Variants in CCDC57 observed in about 807,000 individuals in gnomAD.
CCDC57 encodes coiled-coil domain containing 57, also known as coiled-coil domain-containing protein 57.
In CCDC57, 118 loss-of-function variants were observed where a neutral mutation model predicts 118.9. The observed-to-expected ratio is 0.99, with a 90% confidence interval of 0.86 to 1.16. The LOEUF is 1.16. CCDC57 is among the 50% of genes most tolerant of loss of function. The pLI, the probability that CCDC57 is intolerant of heterozygous loss-of-function variation, is 0.00. For missense variants in CCDC57, 1,300 were observed against 1,320.7 expected (o/e 0.98, Z 0.24); for synonymous variants, 527 against 532.9 (o/e 0.99, Z 0.15).
chr17:82,208,296 G>A (rs536633625), intron 1 of CCDC57, among the ~76,000 whole-genome samples: 2 of 152,072 alleles, frequency 1.3e-5, no homozygotes, highest in East Asian at 1.9e-4. Flanking sequence ...TTGTTTTCTT[G>A]CCCAGGCTGG....
At chr17:82,134,338 CG>C (rs1387843256) in intron 16 of CCDC57, 144 bp from the exon 16 acceptor site, 2 of 727,290 alleles carry the variant, frequency 2.7e-6, no homozygotes, top group Admixed American at 8.7e-5. Context: ...TGGGGAGGGC[CG>C]GACAACAGTG....
Position 82,212,741 on chromosome 17 carries a change from C to CCCCACGCCTCCCAAGCCT in CCDC57, c.-211+43_-211+44insAGGCTTGGGAGGCGTGGG, listed in dbSNP as rs2050257149. On this transcript the variant is annotated intron_variant, in intron 1 of 19. Coordinates refer to ENST00000665763, the Ensembl canonical transcript of CCDC57. The surrounding 1 kb of genome is among the most constrained non-coding windows in gnomAD (Gnocchi z 4.1). ...CAGGAAGAGTGGTCGGAGCGGCGCCCCCCACGCCTCCCACGCCTCCCACGC... is the reference window on the plus strand; with the variant it reads ...CAGGAAGAGTGGTCGGAGCGGCGCCCCCCACGCCTCCCAAGCCTCCCACGCCTCCCACGCCTCCCACGC... 1 of 151,256 alleles carries CCCCACGCCTCCCAAGCCT rather than the reference C, an allele frequency of 6.6e-6. No homozygotes were observed. Among genetic ancestry groups the CCCCACGCCTCCCAAGCCT allele is most frequent in the African/African-American group, 2.4e-5 (1 of 40,916 alleles). The allele number at this position is 151,256 out of a possible 1,614,324, so 9.4% of individuals were successfully genotyped here. A position where few individuals can be genotyped will look rare whatever the true frequency, so the allele number is the denominator to read the frequency against.
At chr17:82,196,399 CCATTTCAGAAG>C (rs1284610603) in intron 4 of CCDC57, among the ~76,000 whole-genome samples, 1 of 152,244 alleles carries the variant, frequency 6.6e-6, no homozygotes, top group African/African-American at 2.4e-5. Context: ...CCTCTGCAGG[CCATTTCAGAAG>C]CAGCCTCAGG....
At chr17:82,201,943 A>C in exon 3 of CCDC57, 1 of 1,590,250 alleles carries the variant, frequency 6.3e-7, no homozygotes, top group East Asian at 2.3e-5. Context: ...CAGTGGCAGC[A>C]TGGTGGCCGC....
At position 82,130,766 on chromosome 17, in the gene CCDC57, G is replaced by T. The variant is rs1483678613; in HGVS notation, c.2578-2169C>A. ...GATCTGCCCGCCTCAGCCTCCCAAA[G>T]TGGCTGGGATCACTGGTGTGAGCCA... On this transcript the variant is annotated intron_variant, in intron 17 of 19. Coordinates refer to ENST00000665763, the Ensembl canonical transcript of CCDC57. Among the ~76,000 whole-genome samples, 2 of 151,528 alleles carry T rather than the reference G, an allele frequency of 1.3e-5. 1 individual carries two copies. Among genetic ancestry groups the T allele is most frequent in the African/African-American group, 4.9e-5 (2 of 41,234 alleles).
rs1317040399 is a variant in CCDC57, at chr17:82,212,491, G to C, written c.-211+294C>G. 6.7e-6 allele frequency among the ~76,000 whole-genome samples: 1 copy of C among 150,250 alleles called. No individual in the cohort carries two copies. The highest frequency in any genetic ancestry group is 1.5e-5 in the Non-Finnish European group (1 of 67,822). ...GCGGCGGAACCCGGGGAATTCTCCC[G>C]GGGCTGCGGGGCCCTGGTCGGCAGC... is the stretch of plus-strand genomic sequence containing the variant. On this transcript the variant is annotated intron_variant, in intron 1 of 19. Transcript: ENST00000665763. This position sits in a 1 kb window ranked among gnomAD's most constrained non-coding sequence, Gnocchi z 4.1.
At chr17:82,170,365 G>A (rs534135434) in intron 13 of CCDC57, among the ~76,000 whole-genome samples, 18 of 152,024 alleles carry the variant, frequency 1.2e-4, no homozygotes, top group Admixed American at 3.3e-4. Flanking sequence ...AAAATTAGCC[G>A]GGCGTGGTGG....
chr17:82,148,847 G>A (rs1316942885), intron 16 of CCDC57, among the ~76,000 whole-genome samples: 2 of 86,556 alleles, frequency 2.3e-5, no homozygotes, highest in Non-Finnish European at 4.4e-5. Context: ...GGGTAGATGG[G>A]TGGATGGACA....
chr17:82,163,449 C>T lies in CCDC57; in HGVS notation c.1883-92G>A, dbSNP rs1001801837. ...CACATCTCTATCAGCTCTCCCTTTCCCGTGAGGCCATGGCACCAGCGGCTG... is the reference window on the plus strand; with the variant it reads ...CACATCTCTATCAGCTCTCCCTTTCTCGTGAGGCCATGGCACCAGCGGCTG... On this transcript the variant is annotated intron_variant, in intron 13 of 19. Coordinates refer to ENST00000665763, the Ensembl canonical transcript of CCDC57. 2.7e-6 allele frequency: 4 copies of T among 1,484,332 alleles called. No homozygotes were observed. The African/African-American group carries it at 5.5e-5, about 21-fold the overall frequency. The allele number at this position is 1,484,332 out of a possible 1,614,324, so 91.9% of individuals were successfully genotyped here.
chr17:82,169,950 G>A (rs947276888), intron 13 of CCDC57, among the ~76,000 whole-genome samples: 1 of 152,092 alleles, frequency 6.6e-6, no homozygotes, highest in South Asian at 2.1e-4. Flanking sequence ...TATAACCAAC[G>A]CTAGGCTCAT....
At chr17:82,120,787 A>AC (rs1465292650) in intron 19 of CCDC57, among the ~76,000 whole-genome samples, 1 of 151,276 alleles carries the variant, frequency 6.6e-6, no homozygotes, top group Non-Finnish European at 1.5e-5. Context: ...ATGGAGTCTC[A>AC]CTCTGTCGCC....
At chr17:82,179,031 C>T (rs750943341) in exon 10 of CCDC57, 3 of 1,613,442 alleles carry the variant, frequency 1.9e-6, no homozygotes, top group Non-Finnish European at 2.5e-6. Context: ...ACACACCTGA[C>T]TTTTTGCCAT....
intron 16 of CCDC57, among the ~76,000 whole-genome samples, chr17:82,150,603 G>A (rs2041832780): frequency 2.7e-5 from 1 of 36,864 alleles, no homozygotes; most frequent in Non-Finnish European, 4.8e-5. Flanking sequence ...CCAGAACCAA[G>A]CGCACACCCA....
chr17:82,195,705 A>T (rs1010653525), intron 4 of CCDC57, among the ~76,000 whole-genome samples: 1 of 152,196 alleles, frequency 6.6e-6, no homozygotes. Flanking sequence ...ATCTTCCAAA[A>T]CAAGACAAGA....
intron 19 of CCDC57, among the ~76,000 whole-genome samples, chr17:82,115,009 G>A (rs920261488): frequency 1.3e-5 from 2 of 152,228 alleles, no homozygotes; most frequent in African/African-American, 4.8e-5. Context: ...GGACACCACT[G>A]CCCCCACTCC....
chr17:82,204,350 C>T (rs1487938652), intron 2 of CCDC57, among the ~76,000 whole-genome samples: 5 of 152,202 alleles, frequency 3.3e-5, no homozygotes, highest in Non-Finnish European at 7.3e-5. Context: ...CCGTCCACCC[C>T]GTGTAATGAT....
At chr17:82,168,546 C>G (rs1002633067) in intron 13 of CCDC57, among the ~76,000 whole-genome samples, 3 of 151,986 alleles carry the variant, frequency 2.0e-5, no homozygotes, top group Non-Finnish European at 4.4e-5. Context: ...TGCAGTGAGC[C>G]GAGATTGTGC....
At position 82,182,471 on chromosome 17, in the gene CCDC57, A is replaced by T. The variant is rs183396132; in HGVS notation, c.1211+1303T>A. Among the ~76,000 whole-genome samples, 985 of 151,188 alleles carry T rather than the reference A, an allele frequency of 6.5e-3. 6 individuals are homozygous for T. The highest frequency in any genetic ancestry group is 0.011 in the Admixed American group (163 of 15,132). ...TGGGTTCAAGTGATTCTCCTGCCTCAGCCCCCCGAGTAGCTGGGATTACAG... is the reference window on the plus strand; with the variant it reads ...TGGGTTCAAGTGATTCTCCTGCCTCTGCCCCCCGAGTAGCTGGGATTACAG... On this transcript the variant is annotated intron_variant, in intron 9 of 19. Coordinates refer to ENST00000665763, the Ensembl canonical transcript of CCDC57.
intron 19 of CCDC57, among the ~76,000 whole-genome samples, chr17:82,111,045 A>G (rs1453711618): frequency 1.3e-5 from 2 of 152,076 alleles, no homozygotes; most frequent in South Asian, 2.1e-4. Flanking sequence ...CAGCCTCATC[A>G]TCTCCTCAGC....
Sources: gnomAD v4.1 joint callset for allele counts (sites outside exome capture counted in the v4.1 genomes callset) on GRCh38, gnomAD v4.1.1 for gene constraint, Gnocchi (gnomAD v3.1) non-coding constraint, MANE v1.5 for transcripts, NCBI Gene and HGNC (gene_info 2026-07-23, HGNC 2026-07-21) for gene names.